Variants in DOK6 observed in about 807,000 individuals in gnomAD.
DOK6 encodes the protein docking protein 6.
In DOK6, 22 loss-of-function variants were observed where a neutral mutation model predicts 44.0. The observed-to-expected ratio is 0.50, with a 90% CI of 0.36 to 0.71. DOK6 has a LOEUF of 0.71. Ranked by LOEUF, DOK6 falls within the 30% of genes least tolerant of loss-of-function variation. The pLI is 0.00. For missense variants in DOK6, 340 were observed against 416.4 expected, an observed-to-expected ratio of 0.82 and a Z score of 1.60; for synonymous variants, 166 against 145.5, an observed-to-expected ratio of 1.14 and a Z score of -1.01.
intron 1 of DOK6, among the ~76,000 whole-genome samples, chr18:69,418,360 A>G (rs1402321692): frequency 1.3e-5 from 2 of 152,134 alleles, no homozygotes; most frequent in Non-Finnish European, 2.9e-5. Context: ...CTTTTATTAT[A>G]ATATCTGATA....
At chr18:69,509,015 G>A (rs1170882136) in intron 1 of DOK6, among the ~76,000 whole-genome samples, 1 of 152,176 alleles carries the variant, frequency 6.6e-6, no homozygotes, top group Non-Finnish European at 1.5e-5. Flanking sequence ...ATAGAACAAT[G>A]ATGTGTATTC....
At chr18:69,831,964 G>A (rs9948190) in intron 7 of DOK6, among the ~76,000 whole-genome samples, 33,202 of 150,990 alleles carry the variant, frequency 0.22, 3,650 homozygotes, top group African/African-American at 0.25. Context: ...TTCTAAATAT[G>A]AGATCATAAC....
intron 3 of DOK6, chr18:69,661,203 C>G (rs1440177532): frequency 6.6e-6 from 1 of 152,252 alleles, no homozygotes; most frequent in African/African-American, 2.4e-5. Flanking sequence ...GCACATGCAG[C>G]ATCTGTTGAC....
intron 1 of DOK6, among the ~76,000 whole-genome samples, chr18:69,411,706 CT>C (rs1290328697): frequency 1.3e-5 from 2 of 152,016 alleles, no homozygotes; most frequent in African/African-American, 4.8e-5. Context: ...GTTTATAGGG[CT>C]TCTTGATTCT....
chr18:69,642,824 C>T (rs772557382), intron 3 of DOK6, among the ~76,000 whole-genome samples: 1 of 152,138 alleles, frequency 6.6e-6, no homozygotes, highest in Non-Finnish European at 1.5e-5. Context: ...TAGATGTTGC[C>T]ACATTTCCTT....
intron 7 of DOK6, among the ~76,000 whole-genome samples, chr18:69,779,256 ACTCAATG>A (rs1221826882): frequency 1.3e-5 from 2 of 151,954 alleles, no homozygotes; most frequent in Non-Finnish European, 2.9e-5. Context: ...CATTGCTTTC[ACTCAATG>A]CCTTTTTCAC....
chr18:69,780,753 T>C (rs1433590377), intron 7 of DOK6, among the ~76,000 whole-genome samples: 1 of 152,250 alleles, frequency 6.6e-6, no homozygotes, highest in Non-Finnish European at 1.5e-5. Flanking sequence ...CATTATTCAA[T>C]TGAAACCTTG....
chr18:69,805,429 T>C (rs1317703884), intron 7 of DOK6, among the ~76,000 whole-genome samples: 1 of 152,134 alleles, frequency 6.6e-6, no homozygotes, highest in Admixed American at 6.6e-5. Context: ...ATATATTAAC[T>C]AGTCTATGCA....
intron 7 of DOK6, among the ~76,000 whole-genome samples, chr18:69,821,213 T>C (rs1981559017): frequency 6.6e-6 from 1 of 152,152 alleles, no homozygotes; most frequent in Non-Finnish European, 1.5e-5. Flanking sequence ...CGATAGGACA[T>C]ACATGTCTGA....
At chr18:69,738,031 C>T (rs551162367) in intron 5 of DOK6, among the ~76,000 whole-genome samples, 1 of 152,182 alleles carries the variant, frequency 6.6e-6, no homozygotes, top group Non-Finnish European at 1.5e-5. Flanking sequence ...TTCCATTTCA[C>T]GCTGTGTGAA....
intron 1 of DOK6, among the ~76,000 whole-genome samples, chr18:69,523,531 C>T (rs1233970217): frequency 1.3e-5 from 2 of 151,958 alleles, no homozygotes; most frequent in African/African-American, 4.8e-5. Context: ...TACAGGAAAT[C>T]ATCTATTGGA....
At chr18:69,773,151 C>T (rs1428993559) in intron 7 of DOK6, among the ~76,000 whole-genome samples, 1 of 151,948 alleles carries the variant, frequency 6.6e-6, no homozygotes. Context: ...GACATACCTT[C>T]ACACTTGCTA....
intron 1 of DOK6, among the ~76,000 whole-genome samples, chr18:69,539,322 C>T (rs1982205299): frequency 6.6e-6 from 1 of 152,156 alleles, no homozygotes; most frequent in Admixed American, 6.5e-5. Context: ...TGTCTCCTTT[C>T]ATTTTGGTAG....
chr18:69,835,203 C>T (rs1450875122), intron 7 of DOK6, among the ~76,000 whole-genome samples: 1 of 152,116 alleles, frequency 6.6e-6, no homozygotes, highest in African/African-American at 2.4e-5. Flanking sequence ...TGGCTCACGC[C>T]TGTAATTCCA....
At chr18:69,426,094 C>G (rs772296897) in intron 1 of DOK6, among the ~76,000 whole-genome samples, 1 of 151,946 alleles carries the variant, frequency 6.6e-6, no homozygotes, top group African/African-American at 2.4e-5. Context: ...AGCTAGTTTT[C>G]TCATCACAAT....
intron 1 of DOK6, among the ~76,000 whole-genome samples, chr18:69,418,442 G>T (rs374930560): frequency 6.6e-6 from 1 of 152,040 alleles, no homozygotes; most frequent in South Asian, 2.1e-4. Flanking sequence ...ATGTAAAGTA[G>T]AATTTATATT....
intron 3 of DOK6, among the ~76,000 whole-genome samples, chr18:69,671,858 T>C (rs910948332): frequency 2.6e-5 from 4 of 152,216 alleles, no homozygotes; most frequent in African/African-American, 9.6e-5. Flanking sequence ...CATATCCAGG[T>C]GCAGTTCTAG....
chr18:69,678,028 C>G (rs1426295645), intron 4 of DOK6, among the ~76,000 whole-genome samples, 175 bp downstream of exon 4: 1 of 152,122 alleles, frequency 6.6e-6, no homozygotes, highest in African/African-American at 2.4e-5. Context: ...GGTGACCCAT[C>G]CCTTGAGGCT....
chr18:69,414,154 G>A (rs1460568524), intron 1 of DOK6, among the ~76,000 whole-genome samples: 1 of 152,014 alleles, frequency 6.6e-6, no homozygotes, highest in African/African-American at 2.4e-5. Flanking sequence ...ATATAAAATG[G>A]TTCAGACACT....
Sources: gnomAD v4.1 joint callset for allele counts (sites outside exome capture counted in the v4.1 genomes callset) on GRCh38, gnomAD v4.1.1 for gene constraint, MANE v1.5 for transcripts, NCBI Gene and HGNC (gene_info 2026-07-23, HGNC 2026-07-21) for gene names.